Variants in CLVS1 observed in about 807,000 individuals in gnomAD.
CLVS1 encodes the protein clavesin-1.
A neutral mutation model predicts 33.1 loss-of-function variants in CLVS1; 10 were observed. That is an observed-to-expected ratio of 0.30 (90% confidence interval 0.19 to 0.51). The LOEUF (loss-of-function observed/expected upper bound fraction) is 0.51, where lower values mean the gene tolerates loss of function less well. CLVS1 is among the 20% of genes least tolerant of loss of function. The pLI is 0.97. For missense variants in CLVS1, 343 were observed against 433.4 expected (o/e 0.79, Z 1.85); for synonymous variants, 163 against 166.1 (o/e 0.98, Z 0.14).
At chr8:61,098,537 A>G (rs1254996289) in intron 1 of CLVS1, among the ~76,000 whole-genome samples, 2 of 152,124 alleles carry the variant, frequency 1.3e-5, no homozygotes, top group East Asian at 1.9e-4. Context: ...TAACCATCAC[A>G]CTTTGTTCTT....
intron 1 of CLVS1, among the ~76,000 whole-genome samples, chr8:61,129,971 C>T (rs1806056990): frequency 6.6e-6 from 1 of 152,158 alleles, no homozygotes; most frequent in Non-Finnish European, 1.5e-5. Context: ...GGTGTGGTGG[C>T]TCATGCCTGT....
intron 3 of CLVS1, among the ~76,000 whole-genome samples, chr8:61,433,951 A>T (rs991741905): frequency 6.6e-6 from 1 of 152,090 alleles, no homozygotes; most frequent in Non-Finnish European, 1.5e-5. Context: ...TAAAAAAAAA[A>T]AAAAGTTGTA....
intron 5 of CLVS1, among the ~76,000 whole-genome samples, chr8:61,476,615 T>C (rs890268402): frequency 7.2e-5 from 11 of 152,176 alleles, no homozygotes; most frequent in Non-Finnish European, 1.5e-4. Flanking sequence ...TATTGGTATA[T>C]AAGAATGCTT....
intron 2 of CLVS1, among the ~76,000 whole-genome samples, chr8:61,186,971 T>C (rs1807355667): frequency 1.3e-5 from 2 of 152,168 alleles, no homozygotes; most frequent in African/African-American, 4.8e-5. Context: ...GTGGGGAAAG[T>C]TCAAGACCAA....
chr8:61,056,739 T>C (rs1306079276), upstream of CLVS1, among the ~76,000 whole-genome samples: 3 of 152,242 alleles, frequency 2.0e-5, no homozygotes, highest in Non-Finnish European at 4.4e-5. Flanking sequence ...GGTTAAATTA[T>C]TCCTTAAATT....
At chr8:61,153,088 C>T (rs1806574404) in intron 2 of CLVS1, among the ~76,000 whole-genome samples, 1 of 152,004 alleles carries the variant, frequency 6.6e-6, no homozygotes, top group Admixed American at 6.6e-5. Context: ...TGCACTCCAG[C>T]CTGGGTAACA....
chr8:61,492,515 TG>T (rs1323160298), intron 5 of CLVS1, among the ~76,000 whole-genome samples: 1 of 152,126 alleles, frequency 6.6e-6, no homozygotes, highest in African/African-American at 2.4e-5. Context: ...AAGGTGCACA[TG>T]TTTTTTTGGG....
At chr8:61,043,470 C>T in the CLVS1 span, among the ~76,000 whole-genome samples, 3 of 152,196 alleles carry the variant, frequency 2.0e-5, no homozygotes, top group African/African-American at 7.2e-5. Flanking sequence ...TGAACTATTA[C>T]AAACAACCAA....
intron 1 of CLVS1, among the ~76,000 whole-genome samples, chr8:61,090,626 T>C (rs1195683090): frequency 1.3e-5 from 2 of 152,214 alleles, no homozygotes; most frequent in Non-Finnish European, 2.9e-5. Context: ...CCTGGTTGCA[T>C]TTGGAAGTTG....
Position 61,225,761 on chromosome 8 carries a change from A to C in CLVS1, c.-151-73916A>C, listed in dbSNP as rs139628044. Among the ~76,000 whole-genome samples, 262 of 152,364 alleles carry C rather than the reference A, an allele frequency of 1.7e-3. 2 individuals are homozygous for C. Among genetic ancestry groups the C allele is most frequent in the Non-Finnish European group, 3.3e-3 (225 of 68,022 alleles). The stretch of plus-strand genomic sequence containing the variant: ...ATTTCAGGCAATTTGCACAATGTAC[A>C]ATGGTCTGAGCCACTTACCTGGACA... On this transcript the variant is annotated intron_variant, in intron 2 of 2. Transcript: ENST00000522621.
At chr8:61,309,309 C>T (rs1402790508) in intron 2 of CLVS1, among the ~76,000 whole-genome samples, 1 of 152,154 alleles carries the variant, frequency 6.6e-6, no homozygotes, top group Non-Finnish European at 1.5e-5. Flanking sequence ...GTCTCCATTC[C>T]TTCATGCACT....
chr8:61,480,039 T>G (rs1278812553), intron 5 of CLVS1, among the ~76,000 whole-genome samples: 1 of 152,180 alleles, frequency 6.6e-6, no homozygotes, highest in Admixed American at 6.5e-5. Flanking sequence ...CAGGGACCCA[T>G]TTGAGGAGGC....
chr8:61,473,859 G>A (rs1164930153), intron 5 of CLVS1, among the ~76,000 whole-genome samples: 1 of 152,194 alleles, frequency 6.6e-6, no homozygotes, highest in Non-Finnish European at 1.5e-5. Context: ...AAGCAGTGCT[G>A]ACTGGGGAGA....
intron 1 of CLVS1, among the ~76,000 whole-genome samples, chr8:61,075,397 C>A (rs988112326): frequency 2.0e-5 from 3 of 152,216 alleles, no homozygotes; most frequent in African/African-American, 7.2e-5. Context: ...CATAAGCACC[C>A]TCCAGTGTTG....
intron 2 of CLVS1, among the ~76,000 whole-genome samples, chr8:61,189,923 G>A (rs533808905): frequency 6.6e-6 from 1 of 152,188 alleles, no homozygotes; most frequent in African/African-American, 2.4e-5. Context: ...CAATAATAAT[G>A]GGAGACTTTA....
intron 2 of CLVS1, among the ~76,000 whole-genome samples, chr8:61,278,072 G>A (rs1386313480): frequency 3.9e-5 from 6 of 152,134 alleles, no homozygotes; most frequent in African/African-American, 7.2e-5. Context: ...AGGTGAGTGG[G>A]GAGTAGATAC....
intron 2 of CLVS1, among the ~76,000 whole-genome samples, chr8:61,160,610 CTTG>C (rs771788907): frequency 3.8e-5 from 5 of 133,306 alleles, no homozygotes; most frequent in Non-Finnish European, 9.1e-5. Context: ...ATTACCTCTT[CTTG>C]TTAAGAGATT....
At chr8:61,204,454 A>G (rs2129305768) in intron 2 of CLVS1, among the ~76,000 whole-genome samples, 1 of 152,338 alleles carries the variant, frequency 6.6e-6, no homozygotes, top group East Asian at 1.9e-4. Flanking sequence ...CAGGGGCTAT[A>G]AATGCAAATT....
At chr8:61,146,954 G>A (rs577774177) in intron 2 of CLVS1, among the ~76,000 whole-genome samples, 3 of 152,362 alleles carry the variant, frequency 2.0e-5, no homozygotes, top group South Asian at 4.1e-4. Flanking sequence ...TTTAGGTATT[G>A]TTTTGGCAAC....
Sources: allele counts gnomAD v4.1 joint callset (sites outside exome capture counted in the v4.1 genomes callset), GRCh38; gene constraint gnomAD v4.1.1; transcripts MANE v1.5; gene names NCBI Gene and HGNC (gene_info 2026-07-23, HGNC 2026-07-21).